The following PHF21A variants were observed in gnomAD, a reference collection of about 807,000 sequenced individuals.
PHF21A encodes the protein PHD finger protein 21A, also known as BHC80a.
In PHF21A, 11 loss-of-function variants were observed where a neutral mutation model predicts 82.5. The observed-to-expected ratio is 0.13, with a 90% CI of 0.08 to 0.22. The LOEUF is 0.22. Among genes scored for constraint, PHF21A ranks in the 10% least tolerant of loss-of-function variants. The pLI, the probability that PHF21A is intolerant of heterozygous loss-of-function variation, is 1.00. For missense variants in PHF21A, 579 were observed against 837.8 expected, an observed-to-expected ratio of 0.69 and a Z score of 3.81; for synonymous variants, 297 against 302.8, an observed-to-expected ratio of 0.98 and a Z score of 0.20.
chr11:46,096,660 C>A (rs2097000737), intron 1 of PHF21A, among the ~76,000 whole-genome samples: 1 of 152,026 alleles, frequency 6.6e-6, no homozygotes, highest in African/African-American at 2.4e-5. Context: ...TCCTCCTTGC[C>A]TCCAACACCT....
chr11:45,991,561 C>T (rs917792887), intron 6 of PHF21A, among the ~76,000 whole-genome samples: 5 of 152,122 alleles, frequency 3.3e-5, no homozygotes, highest in Non-Finnish European at 5.9e-5. Flanking sequence ...AGCTTATACA[C>T]ACACACACAC....
At chr11:45,956,335 G>A (rs1345886271) in intron 10 of PHF21A, among the ~76,000 whole-genome samples, 1 of 152,090 alleles carries the variant, frequency 6.6e-6, no homozygotes, top group Non-Finnish European at 1.5e-5. Context: ...AATGCACAAA[G>A]TAATTATATA....
At chr11:45,967,486 G>C (rs973626133) in intron 9 of PHF21A, among the ~76,000 whole-genome samples, 1 of 152,170 alleles carries the variant, frequency 6.6e-6, no homozygotes, top group Non-Finnish European at 1.5e-5. Context: ...TCCATTGTGG[G>C]GACCTTGAAG....
chr11:46,049,679 A>C (rs2096317668), intron 6 of PHF21A, among the ~76,000 whole-genome samples: 1 of 152,230 alleles, frequency 6.6e-6, no homozygotes, highest in Admixed American at 6.5e-5. Flanking sequence ...TGCAAGTGAC[A>C]AAGAGCAGCC....
chr11:46,039,266 G>C (rs186095562), intron 6 of PHF21A, among the ~76,000 whole-genome samples: 1 of 152,254 alleles, frequency 6.6e-6, no homozygotes, highest in East Asian at 1.9e-4. Flanking sequence ...AGGTAGGGTG[G>C]AGAATTTGTT....
chr11:45,964,122 T>C (rs1028520168), intron 10 of PHF21A, among the ~76,000 whole-genome samples: 5 of 151,044 alleles, frequency 3.3e-5, no homozygotes, highest in African/African-American at 1.2e-4. Context: ...CACTTGAACC[T>C]GGGAGGCGGA....
At chr11:45,958,449 T>TACACACACACACACACAC (rs60775450) in intron 10 of PHF21A, among the ~76,000 whole-genome samples, 1 of 15,058 alleles carries the variant, frequency 6.6e-5, no homozygotes, top group African/African-American at 1.9e-4. Context: ...TATATATATA[T>TACACACACACACACACAC]ACACACACAC....
At position 46,079,830 on chromosome 11, in the gene PHF21A, T is replaced by TGGAAAGGAAAGGAAAGGAAAGA. The variant is rs1391417438; in HGVS notation, c.55-686_55-665dup. 1.7e-4 allele frequency among the ~76,000 whole-genome samples: 12 copies of TGGAAAGGAAAGGAAAGGAAAGA among 71,018 alleles called. No homozygotes were observed. The East Asian group carries it at 2.1e-3, about 13-fold the overall frequency. The allele number at this position is 71,018 out of a possible 152,430, so 46.6% of individuals were successfully genotyped here. On this transcript the variant is annotated intron_variant, in intron 4 of 18. Coordinates refer to ENST00000676320, the MANE Select transcript of PHF21A (RefSeq NM_001352027.3). ...TAGGGAAAACAGAAGCCCAAACAAATGGAAAGGAAAGGAAAGGAAAGAGGA... is the reference window on the plus strand; with the variant it reads ...TAGGGAAAACAGAAGCCCAAACAAATGGAAAGGAAAGGAAAGGAAAGAGGAAAGGAAAGGAAAGGAAAGAGGA...
chr11:46,038,463 T>TC (rs1188844744), intron 6 of PHF21A, among the ~76,000 whole-genome samples: 3 of 152,164 alleles, frequency 2.0e-5, no homozygotes, highest in African/African-American at 7.2e-5. Context: ...ATTGAGCACC[T>TC]CCATGTGCTA....
In PHF21A at chr11:45,971,248, G is replaced by T; in HGVS notation, c.480C>A (p.Thr160=). The part of the protein sequence containing the change: ...VGQRPTIAMV[T]AINSQKAVLS... ...GCACAGCCTTCTGACTGTTGATGGC[G>T]GTCACCATAGCAATGGTAGGTCTCT... is the stretch of plus-strand genomic sequence containing the variant. The change falls in exon 8 of 19, where the codon ACC becomes ACA. Residue 160 remains threonine, a synonymous_variant. Coordinates refer to ENST00000676320, the MANE Select transcript of PHF21A (RefSeq NM_001352027.3). 6.2e-7 allele frequency: 1 copy of T among 1,614,110 alleles called. No homozygotes were observed. Among genetic ancestry groups the T allele is most frequent in the Non-Finnish European group, 8.5e-7 (1 of 1,180,024 alleles).
intron 1 of PHF21A, among the ~76,000 whole-genome samples, chr11:46,100,376 G>A (rs1038344071): frequency 2.0e-5 from 3 of 151,976 alleles, no homozygotes; most frequent in African/African-American, 4.8e-5. Context: ...TATAAATAAC[G>A]TTAGCTATTT....
intron 1 of PHF21A, among the ~76,000 whole-genome samples, chr11:46,119,538 G>C (rs1852393568): frequency 6.6e-6 from 1 of 152,128 alleles, no homozygotes; most frequent in Non-Finnish European, 1.5e-5. Context: ...ACCATTAGCA[G>C]TCGTACCCTC....
chr11:46,000,102 T>C (rs115266127), intron 6 of PHF21A, among the ~76,000 whole-genome samples: 113 of 152,292 alleles, frequency 7.4e-4, no homozygotes, highest in Middle Eastern at 6.8e-3. Context: ...AACTGCTTGA[T>C]AGGTGTAAGC....
chr11:46,058,334 T>C (rs11038757), intron 6 of PHF21A, among the ~76,000 whole-genome samples: 4,397 of 152,284 alleles, frequency 0.029, 69 homozygotes, highest in African/African-American at 0.04. Flanking sequence ...TGTCACATTG[T>C]TGGTAAAACG....
chr11:45,938,457 T>G (rs118115357), intron 15 of PHF21A, 145 bp from the exon 16 acceptor site: 1 of 654,126 alleles, frequency 1.5e-6, no homozygotes, highest in East Asian at 2.8e-5. Context: ...GAATCACCAA[T>G]AGCACATGCC....
At chr11:46,002,599 G>A (rs1041296060) in intron 6 of PHF21A, among the ~76,000 whole-genome samples, 7 of 152,040 alleles carry the variant, frequency 4.6e-5, no homozygotes, top group African/African-American at 1.7e-4. Flanking sequence ...CTTCATAAGG[G>A]AACTTATTTA....
At chr11:46,114,444 A>G (rs2097262995) in intron 1 of PHF21A, among the ~76,000 whole-genome samples, 1 of 152,254 alleles carries the variant, frequency 6.6e-6, no homozygotes, top group African/African-American at 2.4e-5. Flanking sequence ...ATTCCTAACA[A>G]GGAAAGATAA....
At chr11:45,972,764 A>C (rs370877031) in intron 7 of PHF21A, among the ~76,000 whole-genome samples, 3 of 152,304 alleles carry the variant, frequency 2.0e-5, no homozygotes, top group East Asian at 3.9e-4. Flanking sequence ...AAATACAAAA[A>C]TCAGCCAGGC....
intron 6 of PHF21A, among the ~76,000 whole-genome samples, chr11:45,992,417 G>A (rs2094740108): frequency 6.6e-6 from 1 of 151,958 alleles, no homozygotes; most frequent in Non-Finnish European, 1.5e-5. Flanking sequence ...GCGGGCGCCT[G>A]TAGTCCCAGC....
Sources: gnomAD v4.1 joint callset for allele counts (sites outside exome capture counted in the v4.1 genomes callset) on GRCh38, gnomAD v4.1.1 for gene constraint, MANE v1.5 for transcripts, NCBI Gene and HGNC (gene_info 2026-07-23, HGNC 2026-07-21) for gene names.